Variants in RNF182 observed in about 807,000 individuals in gnomAD.
RNF182 encodes E3 ubiquitin-protein ligase RNF182.
RNF182 carries 15 observed loss-of-function variants against 14.4 expected under a neutral mutation model. The observed-to-expected ratio is 1.04, with a 90% confidence interval of 0.70 to 1.60. RNF182 has a LOEUF of 1.60. RNF182 is among the 40% of genes most tolerant of loss of function. RNF182 has a pLI of 0.00. For synonymous variants in RNF182, 128 were observed against 122.9 expected (o/e 1.04, Z -0.27); for missense variants, 268 against 294.8 (o/e 0.91, Z 0.67).
At chr6:13,967,071 C>T (rs1760051943) in intron 1 of RNF182, among the ~76,000 whole-genome samples, 1 of 152,056 alleles carries the variant, frequency 6.6e-6, no homozygotes, top group Non-Finnish European at 1.5e-5. Context: ...CTCTTGGGCT[C>T]AAGTGATCCA....
In RNF182 at chr6:13,939,692, T is replaced by C. The variant is rs181158657; in HGVS notation, c.-367+14669T>C. 1.5e-3 allele frequency among the ~76,000 whole-genome samples: 232 copies of C among 152,054 alleles called. 2 individuals carry two copies. Among genetic ancestry groups the C allele is most frequent in the African/African-American group, 5.3e-3 (219 of 41,490 alleles). ...CTGAGTAGCTGGGACTACAGGCGCC[T>C]GCCACCACGCCTGGCTAATTTTTTG... On this transcript the variant is annotated intron_variant, in intron 1 of 2. Coordinates refer to ENST00000488300, the MANE Select transcript of RNF182 (RefSeq NM_152737.4).
At chr6:13,926,159 A>G (rs1561772467) in intron 1 of RNF182, among the ~76,000 whole-genome samples, 4 of 152,230 alleles carry the variant, frequency 2.6e-5, no homozygotes, top group Non-Finnish European at 5.9e-5. Flanking sequence ...ATAAAATTGT[A>G]TATCCAACTT....
At chr6:13,973,854 C>A (rs571228168) in intron 1 of RNF182, among the ~76,000 whole-genome samples, 1 of 152,286 alleles carries the variant, frequency 6.6e-6, no homozygotes, top group Admixed American at 6.5e-5. Flanking sequence ...TAAGCTTGCA[C>A]CCCTAAATGC....
At chr6:13,940,173 G>GA (rs1759254399) in intron 1 of RNF182, among the ~76,000 whole-genome samples, 3 of 152,136 alleles carry the variant, frequency 2.0e-5, no homozygotes, top group Admixed American at 2.0e-4. Context: ...TATCGATTAA[G>GA]AAGATCTCTT....
intron 1 of RNF182, chr6:13,949,442 T>C (rs7771397): frequency 0.85 from 583,045 of 683,628 alleles, 251,269 homozygotes; most frequent in Middle Eastern, 0.92. Flanking sequence ...TAGGTTTCTT[T>C]GACTTCATTC....
chr6:13,947,174 A>T (rs1446516537), intron 1 of RNF182, among the ~76,000 whole-genome samples: 1 of 152,196 alleles, frequency 6.6e-6, no homozygotes, highest in South Asian at 2.1e-4. Context: ...TTTTATGTTA[A>T]TCATGCCTCA....
chr6:13,965,002 A>G (rs1759982797), intron 1 of RNF182, among the ~76,000 whole-genome samples: 1 of 152,222 alleles, frequency 6.6e-6, no homozygotes, highest in Non-Finnish European at 1.5e-5. Flanking sequence ...CCCCAGTGAT[A>G]TAACAAAGAA....
At chr6:13,968,333 C>G (rs1055651203) in intron 1 of RNF182, among the ~76,000 whole-genome samples, 7 of 152,050 alleles carry the variant, frequency 4.6e-5, no homozygotes, top group Non-Finnish European at 1.0e-4. Flanking sequence ...TGGATTTTTT[C>G]TTTGTCAAAT....
chr6:13,978,054 T>C lies in RNF182; in HGVS notation c.*191T>C. On this transcript the variant is annotated 3_prime_UTR_variant, in exon 3 of 3. Transcript: ENST00000488300. ...AAAATGTTCATTTCTACTTAGGGGTTAGCAAAATTGTATAAGCTCACACTT... is the reference window on the plus strand; with the variant it reads ...AAAATGTTCATTTCTACTTAGGGGTCAGCAAAATTGTATAAGCTCACACTT... 1 of 611,650 alleles carries C rather than the reference T, an allele frequency of 1.6e-6. No homozygotes were observed. Among genetic ancestry groups the C allele is most frequent in the African/African-American group, 1.9e-5 (1 of 54,000 alleles). 37.9% of individuals were successfully genotyped at this position (611,650 alleles called of 1,614,324 possible).
Position 13,938,100 on chromosome 6 carries a change from A to G in RNF182, c.-367+13077A>G, listed in dbSNP as rs1223970562. On this transcript the variant is annotated intron_variant, in intron 1 of 2. Coordinates refer to ENST00000488300, the MANE Select transcript of RNF182 (RefSeq NM_152737.4). ...ACTGCAAACTCCGCCTACCGGGTTCACGCCATTCTCCTGCCTCGGTCTCTG... is the reference window on the plus strand; with the variant it reads ...ACTGCAAACTCCGCCTACCGGGTTCGCGCCATTCTCCTGCCTCGGTCTCTG... Among the ~76,000 whole-genome samples the G allele has an allele frequency of 2.2e-5, 3 of 134,518 alleles. No homozygotes were observed. The Admixed American group carries it at 2.7e-4, about 12-fold the overall frequency. 88.2% of individuals were successfully genotyped at this position (134,518 alleles called of 152,430 possible).
intron 1 of RNF182, among the ~76,000 whole-genome samples, chr6:13,943,854 A>G (rs189817239): frequency 6.6e-6 from 1 of 152,352 alleles, no homozygotes; most frequent in Non-Finnish European, 1.5e-5. Context: ...GTACTAAACA[A>G]AAGGTACTAA....
At chr6:13,928,915 C>G (rs973834552) in intron 1 of RNF182, among the ~76,000 whole-genome samples, 2 of 152,052 alleles carry the variant, frequency 1.3e-5, no homozygotes, top group South Asian at 4.2e-4. Context: ...GGGCAGGAAG[C>G]TGGGGGACAG....
intron 1 of RNF182, among the ~76,000 whole-genome samples, chr6:13,934,381 T>C (rs1323836034): frequency 6.6e-6 from 1 of 152,234 alleles, no homozygotes; most frequent in Non-Finnish European, 1.5e-5. Context: ...TTTCATTCTG[T>C]TGGATTCTTC....
At chr6:13,960,276 A>G (rs1290942124) in intron 1 of RNF182, among the ~76,000 whole-genome samples, 1 of 152,170 alleles carries the variant, frequency 6.6e-6, no homozygotes, top group Non-Finnish European at 1.5e-5. Context: ...TATTAAGTAA[A>G]TGCTTGCTGA....
intron 1 of RNF182, among the ~76,000 whole-genome samples, chr6:13,955,741 A>G (rs562382970): frequency 7.9e-5 from 12 of 152,188 alleles, no homozygotes; most frequent in Non-Finnish European, 1.6e-4. Flanking sequence ...ATGATCCACC[A>G]TGGTACCATT....
At chr6:13,932,920 A>G (rs1759008642) in intron 1 of RNF182, among the ~76,000 whole-genome samples, 1 of 152,246 alleles carries the variant, frequency 6.6e-6, no homozygotes, top group Non-Finnish European at 1.5e-5. Context: ...GGAAGTTTAT[A>G]ATCTCAGATA....
chr6:13,933,845 C>T (rs1759037596), intron 1 of RNF182, among the ~76,000 whole-genome samples: 1 of 152,004 alleles, frequency 6.6e-6, no homozygotes, highest in Non-Finnish European at 1.5e-5. Context: ...TGGTGAAACC[C>T]CGTCTCCACT....
At chr6:13,942,238 G>A (rs1048774059) in intron 1 of RNF182, among the ~76,000 whole-genome samples, 4 of 152,068 alleles carry the variant, frequency 2.6e-5, no homozygotes, top group African/African-American at 9.7e-5. Flanking sequence ...TTTGTGTTTG[G>A]TATTGAAGGG....
chr6:13,941,342 G>T (rs950648116), intron 1 of RNF182, among the ~76,000 whole-genome samples: 2 of 151,998 alleles, frequency 1.3e-5, no homozygotes, highest in African/African-American at 4.8e-5. Context: ...CTGTCTACAG[G>T]TCTTATAGTA....
Sources: allele counts gnomAD v4.1 joint callset (sites outside exome capture counted in the v4.1 genomes callset), GRCh38; gene constraint gnomAD v4.1.1; transcripts MANE v1.5; gene names NCBI Gene and HGNC (gene_info 2026-07-23, HGNC 2026-07-21).